Variants in ZBTB44 observed in about 807,000 individuals in gnomAD.
The protein encoded by ZBTB44 is zinc finger and BTB domain containing 44.
A neutral mutation model predicts 54.0 loss-of-function variants in ZBTB44; 15 were observed. The ratio of observed to expected loss-of-function variants is 0.28; its 90% confidence interval spans 0.19 to 0.43. The LOEUF (loss-of-function observed/expected upper bound fraction) is 0.43. Among genes scored for constraint, ZBTB44 ranks in the 20% least tolerant of loss-of-function variants. ZBTB44 has a pLI of 1.00. For missense variants in ZBTB44, 487 were observed against 707.1 expected (o/e 0.69, Z 3.53); for synonymous variants, 230 against 250.1 (o/e 0.92, Z 0.76).
At chr11:130,232,487 A>C (rs945684024) in intron 7 of ZBTB44, 1 of 152,220 alleles carries the variant, frequency 6.6e-6, no homozygotes, top group African/African-American at 2.4e-5. Context: ...TTAGCAGCAG[A>C]AATAATATTC....
chr11:130,282,234 A>G (rs1427261075), intron 1 of ZBTB44, among the ~76,000 whole-genome samples: 1 of 152,170 alleles, frequency 6.6e-6, no homozygotes, highest in Non-Finnish European at 1.5e-5. Flanking sequence ...ACCATCCATC[A>G]CTATCCGTCT....
chr11:130,289,180 G>A (rs575609466), intron 1 of ZBTB44, among the ~76,000 whole-genome samples: 4 of 151,854 alleles, frequency 2.6e-5, no homozygotes, highest in Non-Finnish European at 5.9e-5. Flanking sequence ...AATCTGCAAC[G>A]TAGATATAAA....
At chr11:130,273,389 A>C (rs1383658118) in intron 1 of ZBTB44, among the ~76,000 whole-genome samples, 1 of 150,826 alleles carries the variant, frequency 6.6e-6, no homozygotes, top group African/African-American at 2.4e-5. Context: ...GGCTCACTGA[A>C]GCCTTGATCT....
chr11:130,239,076 C>A, intron 3 of ZBTB44: 1 of 153,880 alleles, frequency 6.5e-6, no homozygotes, highest in Admixed American at 6.5e-5. Flanking sequence ...GGCTACAGTA[C>A]AGATTAGAAA....
intron 3 of ZBTB44, 52 bp downstream of exon 3, chr11:130,239,760 G>A: frequency 7.0e-7 from 1 of 1,419,420 alleles, no homozygotes; most frequent in Non-Finnish European, 9.8e-7. Context: ...CTTGAATTTG[G>A]AGTTGTAAAC....
chr11:130,276,242 A>AAAAAAAAAAAAAAAAAAAAAAG lies in ZBTB44; in HGVS notation c.-56-14314_-56-14313insCTTTTTTTTTTTTTTTTTTTTT, dbSNP rs59112840. ...CGTGAAACTCTGTCTCAAAAAAAAA[A>AAAAAAAAAAAAAAAAAAAAAAG]AAAAGAAAAAAGAAATCAGAGGTTT... is the stretch of plus-strand genomic sequence containing the variant. On this transcript the variant is annotated intron_variant, in intron 1 of 7. Transcript: ENST00000357899. Among the ~76,000 whole-genome samples, 318 of 94,366 alleles carry AAAAAAAAAAAAAAAAAAAAAAG rather than the reference A, an allele frequency of 3.4e-3. 17 individuals carry two copies. The highest frequency in any genetic ancestry group is 6.8e-3 in the African/African-American group (186 of 27,378). 61.9% of individuals were successfully genotyped at this position (94,366 alleles called of 152,430 possible).
In ZBTB44 at chr11:130,276,292, T is replaced by C. The variant is rs114385275; in HGVS notation, c.-56-14363A>G. Among the ~76,000 whole-genome samples the C allele has an allele frequency of 6.5e-3, 972 of 150,644 alleles. 7 individuals are homozygous for C. The highest frequency in any genetic ancestry group is 0.021 in the African/African-American group (875 of 40,912). ...TGTTTCATGGCTAGCATATGGTCTA[T>C]AATGGAGAATGTTCCATGTGCACTT... On this transcript the variant is annotated intron_variant, in intron 1 of 7. Coordinates refer to ENST00000357899, the MANE Select transcript of ZBTB44 (RefSeq NM_001301098.2).
At chr11:130,244,904 T>G (rs895985662) in intron 2 of ZBTB44, among the ~76,000 whole-genome samples, 3 of 152,146 alleles carry the variant, frequency 2.0e-5, no homozygotes, top group African/African-American at 4.8e-5. Context: ...AAAACTAAAT[T>G]TTAAGGCATC....
chr11:130,249,792 A>G (rs1338446597), intron 2 of ZBTB44, among the ~76,000 whole-genome samples: 1 of 152,178 alleles, frequency 6.6e-6, no homozygotes, highest in Non-Finnish European at 1.5e-5. Context: ...CGTGTGCTAC[A>G]TCACTAGGGC....
chr11:130,236,440 T>C (rs1436154751), intron 5 of ZBTB44, among the ~76,000 whole-genome samples: 1 of 152,206 alleles, frequency 6.6e-6, no homozygotes, highest in Non-Finnish European at 1.5e-5. Flanking sequence ...AGTAATCCAG[T>C]ATCACTAAGC....
intron 1 of ZBTB44, among the ~76,000 whole-genome samples, chr11:130,292,039 T>C (rs1023780793): frequency 6.6e-6 from 1 of 152,246 alleles, no homozygotes; most frequent in African/African-American, 2.4e-5. Context: ...TCTTTTTTTC[T>C]GGCTTCTTTC....
At chr11:130,303,940 G>A (rs1194599883) in intron 1 of ZBTB44, among the ~76,000 whole-genome samples, 1 of 152,154 alleles carries the variant, frequency 6.6e-6, no homozygotes, top group Non-Finnish European at 1.5e-5. Flanking sequence ...ATACAAGTCA[G>A]TGATTTACTC....
chr11:130,298,149 A>ATT (rs59096083), intron 1 of ZBTB44, among the ~76,000 whole-genome samples: 2 of 147,658 alleles, frequency 1.4e-5, no homozygotes, highest in Admixed American at 6.8e-5. Flanking sequence ...ATAATTGATG[A>ATT]TTTTTTTTTT....
chr11:130,282,506 T>C (rs772618443), intron 1 of ZBTB44, among the ~76,000 whole-genome samples: 5 of 152,248 alleles, frequency 3.3e-5, no homozygotes, highest in Non-Finnish European at 7.3e-5. Context: ...AAACCACATT[T>C]TGTTCATCCA....
At chr11:130,232,175 A>T (rs1249150627) in intron 7 of ZBTB44, 2 of 152,100 alleles carry the variant, frequency 1.3e-5, no homozygotes, top group African/African-American at 4.8e-5. Flanking sequence ...TAGCCAATCT[A>T]AAAAAATGAA....
chr11:130,236,682 G>C, intron 5 of ZBTB44, 111 bp downstream of exon 5: 1 of 1,149,004 alleles, frequency 8.7e-7, no homozygotes, highest in Non-Finnish European at 1.1e-6. Flanking sequence ...CGTAACAAAT[G>C]TGACTGACTA....
chr11:130,242,539 T>C (rs1174528542), intron 2 of ZBTB44, among the ~76,000 whole-genome samples: 1 of 88,730 alleles, frequency 1.1e-5, no homozygotes, highest in Admixed American at 1.4e-4. Flanking sequence ...TTTGAAAACA[T>C]ATTTATTTTC....
At chr11:130,283,969 C>CAAAAAAAAAAAAAAAAAAA (rs71061377) in intron 1 of ZBTB44, among the ~76,000 whole-genome samples, 15 of 45,174 alleles carry the variant, frequency 3.3e-4, no homozygotes, top group South Asian at 2.7e-3. Flanking sequence ...GACTCCATCT[C>CAAAAAAAAAAAAAAAAAAA]AAAAAAAAAA....
At chr11:130,281,783 A>ACGGGGTTTCGC (rs138635224) in intron 1 of ZBTB44, among the ~76,000 whole-genome samples, 2 of 151,260 alleles carry the variant, frequency 1.3e-5, no homozygotes, top group Non-Finnish European at 3.0e-5. Context: ...TTTAGTAGAG[A>ACGGGGTTTCGC]CGGGGTTTCG....
Sources: allele counts gnomAD v4.1 joint callset (sites outside exome capture counted in the v4.1 genomes callset), GRCh38; gene constraint gnomAD v4.1.1; transcripts MANE v1.5; gene names NCBI Gene and HGNC (gene_info 2026-07-23, HGNC 2026-07-21).